The following ENOX1 variants were observed in gnomAD, a reference collection of about 807,000 sequenced individuals.
The protein encoded by ENOX1 is candidate growth-related and time keeping constitutive hydroquinone (NADH) oxidase.
A neutral mutation model predicts 82.5 loss-of-function variants in ENOX1; 42 were observed. The ratio of observed to expected loss-of-function variants is 0.51; its 90% CI spans 0.40 to 0.66. The LOEUF is 0.66. Ranked by LOEUF, ENOX1 falls within the 30% of genes least tolerant of loss-of-function variation. The pLI is 0.00. For missense variants in ENOX1, 608 were observed against 811.6 expected, an observed-to-expected ratio of 0.75 and a Z score of 3.05; for synonymous variants, 271 against 282.2, an observed-to-expected ratio of 0.96 and a Z score of 0.40.
chr13:43,577,117 GT>G (rs1297441031), intron 2 of ENOX1, among the ~76,000 whole-genome samples: 1 of 133,360 alleles, frequency 7.5e-6, no homozygotes, highest in Non-Finnish European at 1.6e-5. Context: ...TCCTTTTAGA[GT>G]GATAAAAATA....
At chr13:43,470,326 A>ATG in intron 3 of ENOX1, among the ~76,000 whole-genome samples, 1 of 46,914 alleles carries the variant, frequency 2.1e-5, no homozygotes, top group African/African-American at 7.0e-5. Context: ...ACACATATAT[A>ATG]TATGTATATA....
At chr13:43,482,261 T>C (rs1440989330) in intron 3 of ENOX1, among the ~76,000 whole-genome samples, 2 of 152,176 alleles carry the variant, frequency 1.3e-5, no homozygotes, top group Non-Finnish European at 2.9e-5. Context: ...GACAAATGAA[T>C]GAGTAAATAT....
At position 43,231,785 on chromosome 13, in the gene ENOX1, C is replaced by A. The variant is rs184091099; in HGVS notation, c.1714+4851G>T. On this transcript the variant is annotated intron_variant, in intron 15 of 16. Transcript: ENST00000690772. The stretch of plus-strand genomic sequence containing the variant: ...TGCATTCTTTCTCATTATCTATGAA[C>A]TTCTTGAGGGGAGATCATCTTTCCA... 2.9e-3 allele frequency among the ~76,000 whole-genome samples: 445 copies of A among 152,338 alleles called. 1 individual carries two copies. The highest frequency in any genetic ancestry group is 4.9e-3 in the Non-Finnish European group (332 of 68,038).
chr13:43,682,082 T>A (rs1226834453), intron 1 of ENOX1, among the ~76,000 whole-genome samples: 1 of 152,148 alleles, frequency 6.6e-6, no homozygotes, highest in Non-Finnish European at 1.5e-5. Flanking sequence ...AATATATTTT[T>A]TAAATGGAGC....
intron 3 of ENOX1, among the ~76,000 whole-genome samples, chr13:43,481,323 A>G (rs577715934): frequency 6.6e-6 from 1 of 152,110 alleles, no homozygotes; most frequent in African/African-American, 2.4e-5. Context: ...ATATGGACCA[A>G]TGGAAGAGGA....
intron 2 of ENOX1, among the ~76,000 whole-genome samples, chr13:43,612,669 AAAGTTAGTCTG>A (rs1166269291): frequency 6.6e-6 from 1 of 152,190 alleles, no homozygotes; most frequent in African/African-American, 2.4e-5. Flanking sequence ...CTTGTTTCAA[AAAGTTAGTCTG>A]GTAACTCATT....
chr13:43,483,164 A>G (rs375928870), intron 3 of ENOX1, among the ~76,000 whole-genome samples: 1 of 152,222 alleles, frequency 6.6e-6, no homozygotes, highest in African/African-American at 2.4e-5. Context: ...AAGATGTGTC[A>G]TGCTAGAAAG....
At chr13:43,686,879 A>G (rs868425981) in intron 1 of ENOX1, among the ~76,000 whole-genome samples, 3 of 152,118 alleles carry the variant, frequency 2.0e-5, no homozygotes, top group Non-Finnish European at 4.4e-5. Context: ...GGAAAACAGC[A>G]TACTCTCTCC....
chr13:43,560,869 T>G (rs2079638134), intron 2 of ENOX1, among the ~76,000 whole-genome samples: 1 of 152,172 alleles, frequency 6.6e-6, no homozygotes, highest in Non-Finnish European at 1.5e-5. Flanking sequence ...TCAGATCATC[T>G]CAGTGGCCCT....
intron 1 of ENOX1, among the ~76,000 whole-genome samples, chr13:43,755,150 A>G (rs866351533): frequency 1.1e-4 from 16 of 152,286 alleles, no homozygotes; most frequent in Middle Eastern, 6.8e-3. Flanking sequence ...CCACACAGAA[A>G]AAAATCAATG....
chr13:43,753,747 A>G (rs1029703380), intron 1 of ENOX1, among the ~76,000 whole-genome samples: 1 of 152,212 alleles, frequency 6.6e-6, no homozygotes, highest in African/African-American at 2.4e-5. Flanking sequence ...AAAAATTCAA[A>G]TATGTAGTAT....
intron 1 of ENOX1, among the ~76,000 whole-genome samples, chr13:43,725,600 A>T (rs2088889071): frequency 6.6e-6 from 1 of 152,154 alleles, no homozygotes; most frequent in Non-Finnish European, 1.5e-5. Context: ...AATTTCTGCA[A>T]GAAAAGTGAC....
intron 3 of ENOX1, among the ~76,000 whole-genome samples, chr13:43,423,203 C>T: frequency 6.6e-6 from 1 of 152,100 alleles, no homozygotes; most frequent in Non-Finnish European, 1.5e-5. Flanking sequence ...AACTCCTTCC[C>T]CTCATTCATG....
At chr13:43,757,988 A>G (rs1352073743) in intron 1 of ENOX1, among the ~76,000 whole-genome samples, 1 of 152,196 alleles carries the variant, frequency 6.6e-6, no homozygotes, top group Non-Finnish European at 1.5e-5. Context: ...TAATCCCAGC[A>G]CTTTGGGAGA....
intron 2 of ENOX1, among the ~76,000 whole-genome samples, chr13:43,525,926 T>C (rs79311629): frequency 0.026 from 4,013 of 152,190 alleles, 177 homozygotes; most frequent in African/African-American, 0.091. Flanking sequence ...TCCCATCCAG[T>C]GGGGTTACTA....
At chr13:43,590,819 A>G (rs1220154498) in intron 2 of ENOX1, among the ~76,000 whole-genome samples, 1 of 152,062 alleles carries the variant, frequency 6.6e-6, no homozygotes, top group Admixed American at 6.6e-5. Context: ...ATCAAAAGAT[A>G]AAGACAACCC....
chr13:43,572,436 A>G (rs1011050192), intron 2 of ENOX1, among the ~76,000 whole-genome samples: 2 of 152,220 alleles, frequency 1.3e-5, no homozygotes, highest in Non-Finnish European at 2.9e-5. Context: ...TCCATAGACC[A>G]AAAGGCTTAG....
intron 2 of ENOX1, among the ~76,000 whole-genome samples, chr13:43,549,179 A>G (rs192897057): frequency 6.6e-6 from 1 of 152,350 alleles, no homozygotes; most frequent in East Asian, 1.9e-4. Context: ...GTTGTTGTTG[A>G]CAGAGACAGT....
intron 2 of ENOX1, among the ~76,000 whole-genome samples, chr13:43,515,702 G>C (rs1219741707): frequency 6.6e-6 from 1 of 152,192 alleles, no homozygotes; most frequent in Non-Finnish European, 1.5e-5. Context: ...CACTATGCTA[G>C]TGCTACAGCT....
Sources: allele counts gnomAD v4.1 joint callset (sites outside exome capture counted in the v4.1 genomes callset), GRCh38; gene constraint gnomAD v4.1.1; transcripts MANE v1.5; gene names NCBI Gene and HGNC (gene_info 2026-07-23, HGNC 2026-07-21).